Variants in KCNN2 observed in about 807,000 individuals in gnomAD.
The protein encoded by KCNN2 is small conductance calcium-activated potassium channel protein 2.
Under a neutral mutation model 55.5 loss-of-function variants are expected in KCNN2, and 24 were observed. The ratio of observed to expected loss-of-function variants is 0.43; its 90% CI spans 0.31 to 0.61. KCNN2 has a LOEUF of 0.61. Ranked by LOEUF, KCNN2 falls within the 20% of genes least tolerant of loss-of-function variation. KCNN2 has a pLI of 0.08. For synonymous variants in KCNN2, 431 were observed against 336.1 expected (o/e 1.28, Z -3.09); for missense variants, 754 against 853.6 (o/e 0.88, Z 1.45).
At position 114,362,742 on chromosome 5, in the gene KCNN2, G is replaced by A. The variant is rs750360170; in HGVS notation, c.603G>A (p.Ala201=). Residue 201 remains alanine (A), a synonymous_variant, in exon 1 of 8, where the codon GCG becomes GCA. Transcript: ENST00000673685. ...PAHHQHHQPQ[A]RRESNPFTEI... ...ACCACCAGCACCACCAGCCCCAGGC[G>A]CGCCGCGAGAGCAACCCCTTCACCG... is the stretch of plus-strand genomic sequence containing the variant. 3 of 1,538,920 alleles carry A rather than the reference G, an allele frequency of 1.9e-6. No homozygotes were observed. Among genetic ancestry groups the A allele is most frequent in the Middle Eastern group, 1.7e-4 (1 of 5,778 alleles).
chr5:114,312,725 C>G (rs1756430611), intron 2 of KCNN2, among the ~76,000 whole-genome samples: 1 of 151,900 alleles, frequency 6.6e-6, no homozygotes, highest in South Asian at 2.1e-4. Flanking sequence ...TCAGATATAA[C>G]TGGAGAGGAT....
At chr5:114,257,156 A>C (rs980056188) in intron 2 of KCNN2, among the ~76,000 whole-genome samples, 1 of 152,082 alleles carries the variant, frequency 6.6e-6, no homozygotes, top group African/African-American at 2.4e-5. Context: ...TTTGTCAAAG[A>C]TCAGTTAGCT....
chr5:114,461,090 C>T lies in KCNN2; in HGVS notation c.1638-1959C>T, dbSNP rs375744519. On this transcript the variant is annotated intron_variant, in intron 3 of 7. Coordinates refer to ENST00000673685, the MANE Select transcript of KCNN2 (RefSeq NM_021614.4). ...TATTTTGAAAGGAAAACCACGTCCT[C>T]CCATTGAAGCTCTGTTACATACGCA... Among the ~76,000 whole-genome samples, 11 of 152,222 alleles carry T rather than the reference C, an allele frequency of 7.2e-5. No individual in the cohort carries two copies. The East Asian group carries it at 2.1e-3, about 29-fold the overall frequency.
chr5:114,247,324 C>T (rs1369033842), intron 2 of KCNN2, among the ~76,000 whole-genome samples: 1 of 151,560 alleles, frequency 6.6e-6, no homozygotes, highest in African/African-American at 2.4e-5. Context: ...CCTTATTTGT[C>T]ACTTGAAGAT....
At chr5:114,283,452 T>C (rs906286955) in intron 2 of KCNN2, among the ~76,000 whole-genome samples, 1 of 152,210 alleles carries the variant, frequency 6.6e-6, no homozygotes, top group Non-Finnish European at 1.5e-5. Context: ...ATTCAGCTTA[T>C]ATTTCATTGG....
intron 3 of KCNN2, among the ~76,000 whole-genome samples, chr5:114,436,203 T>A (rs1759998471): frequency 6.6e-6 from 1 of 152,234 alleles, no homozygotes; most frequent in African/African-American, 2.4e-5. Flanking sequence ...ATACACTTTG[T>A]CAGCTTGGTG....
chr5:114,487,938 C>T (rs112358087), intron 6 of KCNN2, among the ~76,000 whole-genome samples: 3 of 152,178 alleles, frequency 2.0e-5, no homozygotes, highest in South Asian at 2.1e-4. Flanking sequence ...ATGAAACCTA[C>T]GAGGGTAGTA....
intron 1 of KCNN2, among the ~76,000 whole-genome samples, chr5:114,109,598 A>G (rs1231115870): frequency 6.6e-6 from 1 of 152,090 alleles, no homozygotes; most frequent in East Asian, 1.9e-4. Flanking sequence ...ACAACCGAAT[A>G]TGACCAAATA....
At chr5:114,484,379 T>A (rs1034601920) in intron 5 of KCNN2, among the ~76,000 whole-genome samples, 5 of 152,332 alleles carry the variant, frequency 3.3e-5, no homozygotes, top group Admixed American at 3.3e-4. Context: ...GTATACTATT[T>A]GGGTGATTAT....
At position 114,181,377 on chromosome 5, in the gene KCNN2, G is replaced by T. The variant is rs113053722; in HGVS notation, c.-270-40103G>T. Among the ~76,000 whole-genome samples the T allele has an allele frequency of 3.9e-3, 591 of 152,244 alleles. 3 individuals carry two copies. The highest frequency in any genetic ancestry group is 0.013 in the African/African-American group (555 of 41,534). ...AAATATATTGAATAGTTTTTAATGT[G>T]CTTATTGGCAATGCATATGTCTTAC... On this transcript the variant is annotated intron_variant, in intron 1 of 10. Coordinates refer to the KCNN2 transcript ENST00000512097.
intron 5 of KCNN2, among the ~76,000 whole-genome samples, chr5:114,481,971 G>A (rs142277287): frequency 5.3e-5 from 8 of 152,142 alleles, no homozygotes; most frequent in Middle Eastern, 3.4e-3. Context: ...ACATAGTCAC[G>A]GGCAAAGATT....
intron 5 of KCNN2, among the ~76,000 whole-genome samples, chr5:114,473,795 C>G (rs543057261): frequency 6.6e-6 from 1 of 152,156 alleles, no homozygotes; most frequent in Non-Finnish European, 1.5e-5. Context: ...ACTTCATCCT[C>G]ATAACAGCGT....
chr5:114,104,683 A>G (rs1751443569), intron 1 of KCNN2, among the ~76,000 whole-genome samples: 1 of 152,206 alleles, frequency 6.6e-6, no homozygotes, highest in East Asian at 1.9e-4. Flanking sequence ...CAAGAATGAT[A>G]AAAGCAACAT....
rs1758180841 is a variant in KCNN2, at chr5:114,383,282, T to C, written c.1218+19281T>C. Among the ~76,000 whole-genome samples, 3 of 152,128 alleles carry C rather than the reference T, an allele frequency of 2.0e-5. No individual in the cohort carries two copies. The South Asian group carries it at 6.2e-4, about 31-fold the overall frequency. ...GACCCTGTACTTTCTTATTGCTCTC[T>C]CATTCATGTAGTATTTGGTGATTCT... On this transcript the variant is annotated intron_variant, in intron 2 of 7. Coordinates refer to ENST00000673685, the MANE Select transcript of KCNN2 (RefSeq NM_021614.4).
intron 1 of KCNN2, among the ~76,000 whole-genome samples, chr5:114,135,558 A>G (rs188298608): frequency 2.0e-5 from 3 of 152,288 alleles, no homozygotes; most frequent in East Asian, 3.9e-4. Context: ...AAAAATACCA[A>G]TATCAGGGTT....
rs976993714 is a variant in KCNN2 at position 114,151,343 on chromosome 5, C to G, written c.-270-70137C>G. Among the ~76,000 whole-genome samples, 9 of 152,000 alleles carry G rather than the reference C, an allele frequency of 5.9e-5. No homozygotes were observed. The South Asian group carries it at 1.9e-3, about 32-fold the overall frequency. On this transcript the variant is annotated intron_variant, in intron 1 of 10. Transcript: ENST00000512097. ...GTGGGTTGGGGACAGGGCTCAGGTACCCCCAGCCCCTTCTTTACTCCAGTG... is the reference window on the plus strand; with the variant it reads ...GTGGGTTGGGGACAGGGCTCAGGTAGCCCCAGCCCCTTCTTTACTCCAGTG...
exon 1 of KCNN2, chr5:114,056,193 G>T (rs1221904621): frequency 5.1e-6 from 2 of 394,404 alleles, no homozygotes; most frequent in African/African-American, 4.1e-5. Flanking sequence ...GGGCAGCGGG[G>T]GCCTGGCTCG....
chr5:114,488,089 C>A (rs574373226), intron 6 of KCNN2, among the ~76,000 whole-genome samples: 1 of 152,272 alleles, frequency 6.6e-6, no homozygotes, highest in Middle Eastern at 3.4e-3. Flanking sequence ...TAATATGGTA[C>A]CACTAACATT....
chr5:114,419,650 G>A (rs1358770465), intron 3 of KCNN2, among the ~76,000 whole-genome samples: 1 of 152,164 alleles, frequency 6.6e-6, no homozygotes, highest in East Asian at 1.9e-4. Context: ...TTTCTGACTA[G>A]TACTAGCTAG....
Sources: gnomAD v4.1 joint callset for allele counts (sites outside exome capture counted in the v4.1 genomes callset) on GRCh38, gnomAD v4.1.1 for gene constraint, MANE v1.5 for transcripts, NCBI Gene and HGNC (gene_info 2026-07-23, HGNC 2026-07-21) for gene names.